The following PTGR1 variants were observed in gnomAD, a reference collection of about 807,000 sequenced individuals.
The protein encoded by PTGR1 is prostaglandin reductase 1, also known as 15-oxoprostaglandin 13-reductase.
PTGR1 carries 23 observed loss-of-function variants against 37.7 expected under a neutral mutation model. The ratio of observed to expected loss-of-function variants is 0.61; its 90% confidence interval spans 0.44 to 0.86. PTGR1 has a LOEUF of 0.86. Ranked by LOEUF, PTGR1 falls within the 40% of genes least tolerant of loss-of-function variation. The pLI is 0.00. For synonymous variants in PTGR1, 134 were observed against 140.0 expected (o/e 0.96, Z 0.30); for missense variants, 351 against 394.3 (o/e 0.89, Z 0.93).
intron 4 of PTGR1, among the ~76,000 whole-genome samples, chr9:111,587,898 C>T (rs1460967359): frequency 2.6e-5 from 4 of 151,938 alleles, no homozygotes; most frequent in African/African-American, 7.3e-5. Context: ...AATTACACCC[C>T]CATTATTAGG....
chr9:111,558,479 G>A (rs919216415), downstream of PTGR1, among the ~76,000 whole-genome samples: 4 of 152,148 alleles, frequency 2.6e-5, no homozygotes, highest in African/African-American at 7.2e-5. Flanking sequence ...GGAGTTTGAA[G>A]TCAGCCTGGA....
At chr9:111,598,494 T>TA (rs916969795) in intron 1 of PTGR1, among the ~76,000 whole-genome samples, 14 of 152,190 alleles carry the variant, frequency 9.2e-5, no homozygotes, top group Non-Finnish European at 1.8e-4. Context: ...TTTCTTTTTT[T>TA]AAAATTAAGA....
chr9:111,567,209 G>A (rs1190378523), intron 9 of PTGR1, among the ~76,000 whole-genome samples: 1 of 151,954 alleles, frequency 6.6e-6, no homozygotes, highest in East Asian at 1.9e-4. Flanking sequence ...GTTTTTTTGA[G>A]ATGGAGTTGT....
At chr9:111,552,995 A>G (rs997720048) in intron 9 of PTGR1, among the ~76,000 whole-genome samples, 1 of 152,162 alleles carries the variant, frequency 6.6e-6, no homozygotes, top group East Asian at 1.9e-4. Context: ...GTAAGAAGCT[A>G]TTTTATAGCT....
At chr9:111,580,514 G>T (rs991448006) in intron 6 of PTGR1, among the ~76,000 whole-genome samples, 6 of 152,114 alleles carry the variant, frequency 3.9e-5, no homozygotes, top group Non-Finnish European at 7.4e-5. Flanking sequence ...CCAGCACTTT[G>T]GGGGGCTGAG....
chr9:111,564,277 TTTATTATTATTA>T lies in PTGR1; in HGVS notation c.880-1058_880-1047del, dbSNP rs3031175. The stretch of plus-strand genomic sequence containing the variant: ...AAGTAGGGAAGCTGAAATTTAAACT[TTTATTATTATTA>T]TTATTATTATTATTATTATTATTAT... On this transcript the variant is annotated intron_variant, in intron 9 of 9. Coordinates refer to ENST00000407693, the MANE Select transcript of PTGR1 (RefSeq NM_001146108.2). 1,209 of 486,280 alleles carry T rather than the reference TTTATTATTATTA, an allele frequency of 2.5e-3. 8 individuals are homozygous for T. The highest frequency in any genetic ancestry group is 0.014 in the African/African-American group (608 of 42,894). 30.1% of individuals were successfully genotyped at this position (486,280 alleles called of 1,614,324 possible). A position where few individuals can be genotyped will look rare whatever the true frequency, so the allele number is the denominator to read the frequency against.
downstream of PTGR1, among the ~76,000 whole-genome samples, chr9:111,560,170 A>G (rs1828232149): frequency 6.6e-6 from 1 of 151,374 alleles, no homozygotes; most frequent in African/African-American, 2.4e-5. Flanking sequence ...ACATGGCAAT[A>G]CCCATCACTA....
At chr9:111,585,056 T>TA (rs879301942) in intron 5 of PTGR1, among the ~76,000 whole-genome samples, 326 of 146,310 alleles carry the variant, frequency 2.2e-3, no homozygotes, top group Middle Eastern at 3.5e-3. Flanking sequence ...ATTTCTGCAT[T>TA]AAAAAAAAAA....
chr9:111,583,716 A>C, intron 5 of PTGR1, 127 bp from the exon 6 acceptor site: 2 of 705,794 alleles, frequency 2.8e-6, no homozygotes, highest in Non-Finnish European at 4.9e-6. Context: ...AAAAATATGG[A>C]AATAAATATT....
chr9:111,564,722 A>C (rs1264309039), intron 9 of PTGR1, among the ~76,000 whole-genome samples: 1 of 152,218 alleles, frequency 6.6e-6, no homozygotes, highest in Non-Finnish European at 1.5e-5. Flanking sequence ...GAGAACGAAT[A>C]CTGTTATGGA....
At chr9:111,575,736 A>G (rs971441783) in intron 7 of PTGR1, among the ~76,000 whole-genome samples, 1 of 152,254 alleles carries the variant, frequency 6.6e-6, no homozygotes, top group African/African-American at 2.4e-5. Context: ...TACTACACAC[A>G]AAAATTAACT....
chr9:111,562,271 G>C, downstream of PTGR1, among the ~76,000 whole-genome samples: 1 of 144,138 alleles, frequency 6.9e-6, no homozygotes, highest in East Asian at 2.0e-4. Flanking sequence ...CACAGAAGCA[G>C]TAAACTTTTT....
At chr9:111,563,297 C>T (rs1828394366) in intron 9 of PTGR1, 66 bp from the exon 10 acceptor site, 1 of 1,426,674 alleles carries the variant, frequency 7.0e-7, no homozygotes, top group African/African-American at 1.4e-5. Flanking sequence ...CTGTTCTCAT[C>T]CTAGCAACAA....
chr9:111,587,817 A>C (rs1382738987), intron 4 of PTGR1, among the ~76,000 whole-genome samples: 1 of 152,186 alleles, frequency 6.6e-6, no homozygotes, highest in Non-Finnish European at 1.5e-5. Flanking sequence ...ATCTGTCAAC[A>C]TTACGTTGGT....
At chr9:111,557,896 C>T (rs1023914706), downstream of PTGR1, among the ~76,000 whole-genome samples, 3 of 152,146 alleles carry the variant, frequency 2.0e-5, no homozygotes, top group African/African-American at 4.8e-5. Context: ...TGCCTGTAAT[C>T]CCAGCGCTTT....
At chr9:111,572,143 A>G (rs926806160) in intron 8 of PTGR1, among the ~76,000 whole-genome samples, 2 of 152,212 alleles carry the variant, frequency 1.3e-5, no homozygotes, top group African/African-American at 4.8e-5. Flanking sequence ...CCCACTGATT[A>G]CTTTGAGGAA....
intron 9 of PTGR1, among the ~76,000 whole-genome samples, chr9:111,566,571 T>G (rs1037512701): frequency 3.9e-5 from 6 of 152,236 alleles, no homozygotes; most frequent in Admixed American, 2.6e-4. Context: ...AAAACTTACA[T>G]GGTGTAAGGT....
downstream of PTGR1, among the ~76,000 whole-genome samples, chr9:111,560,974 T>TAGAGAGAG (rs1172194603): frequency 1.1e-4 from 1 of 9,334 alleles, no homozygotes; most frequent in Non-Finnish European, 1.9e-4. Context: ...TATATATATA[T>TAGAGAGAG]AGAGAGAGAG....
intron 5 of PTGR1, among the ~76,000 whole-genome samples, chr9:111,584,699 AG>A (rs1829380319): frequency 6.6e-6 from 1 of 152,244 alleles, no homozygotes; most frequent in African/African-American, 2.4e-5. Flanking sequence ...AACTTTGAGC[AG>A]GAGACCAGCT....
Sources: allele counts gnomAD v4.1 joint callset (sites outside exome capture counted in the v4.1 genomes callset), GRCh38; gene constraint gnomAD v4.1.1; transcripts MANE v1.5; gene names NCBI Gene and HGNC (gene_info 2026-07-23, HGNC 2026-07-21).